Variants in UGT1A7 observed in about 807,000 individuals in gnomAD.
The protein encoded by UGT1A7 is UDP-glucuronosyltransferase 1A7.
In UGT1A7, 33 loss-of-function variants were observed where a neutral mutation model predicts 45.6. That is an observed-to-expected ratio of 0.72 (90% CI 0.55 to 0.97). UGT1A7 has a LOEUF of 0.97. Among genes scored for constraint, UGT1A7 ranks in the 50% least tolerant of loss-of-function variants. The pLI, the probability that UGT1A7 is intolerant of heterozygous loss-of-function variation, is 0.00. For synonymous variants in UGT1A7, 274 were observed against 250.6 expected, an observed-to-expected ratio of 1.09 and a Z score of -0.88; for missense variants, 684 against 666.2, an observed-to-expected ratio of 1.03 and a Z score of -0.29.
intron 1 of UGT1A7, among the ~76,000 whole-genome samples, chr2:233,766,480 T>TG (rs1699163559): frequency 6.6e-6 from 1 of 152,128 alleles, no homozygotes; most frequent in Non-Finnish European, 1.5e-5. Context: ...AGGCACATGA[T>TG]GGGGGCGTGG....
At chr2:233,718,795 G>T (rs1190381622) in intron 1 of UGT1A7, 2 of 1,613,210 alleles carry the variant, frequency 1.2e-6, no homozygotes, top group South Asian at 2.2e-5. Flanking sequence ...GGGGTGGACA[G>T]TCAGCTGTCG....
intron 1 of UGT1A7, among the ~76,000 whole-genome samples, chr2:233,735,215 A>G (rs1250944794): frequency 6.6e-6 from 1 of 152,166 alleles, no homozygotes; most frequent in Non-Finnish European, 1.5e-5. Flanking sequence ...GGGTGCATAT[A>G]TATTTAGGAT....
intron 4 of UGT1A7, chr2:233,770,796 T>G (rs1486074516): frequency 6.6e-6 from 1 of 152,204 alleles, no homozygotes; most frequent in Non-Finnish European, 1.5e-5. Context: ...TATAGATATG[T>G]TTAAAGACAG....
At chr2:233,682,907 T>C in intron 1 of UGT1A7, 115 bp downstream of exon 1, 1 of 1,496,792 alleles carries the variant, frequency 6.7e-7, no homozygotes, top group Non-Finnish European at 8.8e-7. Flanking sequence ...TTCTTTCTGG[T>C]TTAAGGAATT....
chr2:233,755,312 G>C (rs976147893), intron 1 of UGT1A7: 6 of 551,356 alleles, frequency 1.1e-5, no homozygotes, highest in Middle Eastern at 4.3e-4. Flanking sequence ...CACAGCGAGC[G>C]GCAAGGCTGC....
Position 233,772,824 on chromosome 2 carries a change from C to A in UGT1A7, c.*265C>A. On this transcript the variant is annotated 3_prime_UTR_variant, in exon 5 of 5. Coordinates refer to ENST00000373426, the MANE Select transcript of UGT1A7 (RefSeq NM_019077.3). ...ATTTTTCAGAGGACGTGCAGACAGG[C>A]TGGCATTCTAGATTACTTTTCTTAC... 3 of 955,748 alleles carry A rather than the reference C, an allele frequency of 3.1e-6. No individual in the cohort carries two copies. The highest frequency in any genetic ancestry group is 2.9e-6 in the Non-Finnish European group (2 of 693,186). 59.2% of individuals were successfully genotyped at this position (955,748 alleles called of 1,614,324 possible).
chr2:233,742,137 G>A (rs1225241098), intron 1 of UGT1A7, among the ~76,000 whole-genome samples: 1 of 151,882 alleles, frequency 6.6e-6, no homozygotes, highest in Non-Finnish European at 1.5e-5. Context: ...CCCTAACCCA[G>A]CAGCGCTAGA....
At chr2:233,726,002 C>T (rs1052114071) in intron 1 of UGT1A7, among the ~76,000 whole-genome samples, 2 of 151,912 alleles carry the variant, frequency 1.3e-5, no homozygotes, top group African/African-American at 4.8e-5. Flanking sequence ...TGCATCTCTA[C>T]AAAAAATCAA....
chr2:233,748,790 T>G (rs913029718), intron 1 of UGT1A7, among the ~76,000 whole-genome samples: 4 of 151,342 alleles, frequency 2.6e-5, no homozygotes, highest in African/African-American at 9.8e-5. Context: ...CTACTTGGAA[T>G]GCTGAAATTA....
intron 1 of UGT1A7, among the ~76,000 whole-genome samples, chr2:233,686,098 G>C (rs1186571465): frequency 6.6e-6 from 1 of 152,126 alleles, no homozygotes; most frequent in African/African-American, 2.4e-5. Flanking sequence ...CCAAGTCCAA[G>C]AGAATGAAGT....
intron 1 of UGT1A7, among the ~76,000 whole-genome samples, chr2:233,753,908 C>T (rs1252814204): frequency 6.6e-6 from 1 of 152,246 alleles, no homozygotes; most frequent in South Asian, 2.1e-4. Context: ...CTTCTTACAC[C>T]GATTTCAGCT....
intron 1 of UGT1A7, among the ~76,000 whole-genome samples, chr2:233,701,702 G>A (rs1450661974): frequency 2.0e-5 from 3 of 152,064 alleles, no homozygotes; most frequent in South Asian, 2.1e-4. Flanking sequence ...ACTCAAAACC[G>A]CTCAACTACA....
At chr2:233,751,721 A>G (rs1455896739) in intron 1 of UGT1A7, among the ~76,000 whole-genome samples, 3 of 152,224 alleles carry the variant, frequency 2.0e-5, no homozygotes, top group African/African-American at 7.2e-5. Context: ...CTCACAAGTG[A>G]ACTCTTCCTC....
At chr2:233,688,675 A>G (rs10173355) in intron 1 of UGT1A7, among the ~76,000 whole-genome samples, 1 of 152,002 alleles carries the variant, frequency 6.6e-6, no homozygotes, top group Non-Finnish European at 1.5e-5. Context: ...GCTCTTTTTT[A>G]AAAAATTTAA....
At chr2:233,729,400 C>T in intron 1 of UGT1A7, 2 of 1,613,754 alleles carry the variant, frequency 1.2e-6, no homozygotes, top group South Asian at 2.2e-5. Context: ...ATTTGATCGC[C>T]ATGTGCTGGG....
At chr2:233,706,092 C>A (rs1187555358) in intron 1 of UGT1A7, among the ~76,000 whole-genome samples, 1 of 148,852 alleles carries the variant, frequency 6.7e-6, no homozygotes, top group Non-Finnish European at 1.5e-5. Context: ...TAGATTCTGT[C>A]TTAAAAAAAA....
intron 1 of UGT1A7, among the ~76,000 whole-genome samples, chr2:233,753,894 C>T (rs2125923149): frequency 6.6e-6 from 1 of 152,316 alleles, no homozygotes; most frequent in African/African-American, 2.4e-5. Flanking sequence ...TCAGAAGGAA[C>T]ATGCTTCTTA....
At chr2:233,718,622 T>C (rs2125661272) in intron 1 of UGT1A7, 2 of 893,490 alleles carry the variant, frequency 2.2e-6, no homozygotes, top group Non-Finnish European at 2.7e-6. Flanking sequence ...TAGGCGTGAT[T>C]GGTCTTTCCC....
intron 1 of UGT1A7, among the ~76,000 whole-genome samples, chr2:233,694,700 T>A (rs1054532656): frequency 1.3e-5 from 2 of 152,236 alleles, no homozygotes; most frequent in African/African-American, 4.8e-5. Context: ...CTTACCTCTC[T>A]TCTTTACACC....
Sources: gnomAD v4.1 joint callset for allele counts (sites outside exome capture counted in the v4.1 genomes callset) on GRCh38, gnomAD v4.1.1 for gene constraint, MANE v1.5 for transcripts, NCBI Gene and HGNC (gene_info 2026-07-23, HGNC 2026-07-21) for gene names.